The following OR4F16 variants were observed in gnomAD, a reference collection of about 807,000 sequenced individuals.
OR4F16 encodes the protein olfactory receptor 4F3/4F16/4F29.
chr1:713,432 A>C, the OR4F16 span, among the ~76,000 whole-genome samples: 1 of 124,300 alleles, frequency 8.0e-6, no homozygotes, highest in South Asian at 2.5e-4. Flanking sequence ...AAAATTCACA[A>C]TATTTGCCAA....
At chr1:710,235 AT>A in the OR4F16 span, among the ~76,000 whole-genome samples, 1 of 135,938 alleles carries the variant, frequency 7.4e-6, no homozygotes, top group Non-Finnish European at 1.6e-5. Flanking sequence ...TTTTCAATGT[AT>A]TTAATATATT....
At chr1:711,952 G>A in the OR4F16 span, 8 of 95,512 alleles carry the variant, frequency 8.4e-5, no homozygotes, top group African/African-American at 3.5e-4. Context: ...AAAATCACAT[G>A]GAAAGTTATA....
chr1:715,774 A>G, the OR4F16 span, among the ~76,000 whole-genome samples: 2 of 147,900 alleles, frequency 1.4e-5, no homozygotes, highest in Non-Finnish European at 3.0e-5. Context: ...CAAGGCTGCA[A>G]TGAGCTGTGA....
At chr1:676,873 CAGACTGCCTCCTCA>C in the OR4F16 span, among the ~76,000 whole-genome samples, 2 of 115,890 alleles carry the variant, frequency 1.7e-5, 1 homozygote, top group Admixed American at 1.5e-4. Flanking sequence ...TGATAAGGGT[CAGACTGCCTCCTCA>C]AGTGGGTCCC....
chr1:676,788 C>T, the OR4F16 span, among the ~76,000 whole-genome samples: 1 of 121,188 alleles, frequency 8.3e-6, no homozygotes, highest in Admixed American at 7.4e-5. Context: ...ACAGCTTCAG[C>T]AGACTTAAAG....
At chr1:701,697 TCA>T in the OR4F16 span, among the ~76,000 whole-genome samples, 59 of 149,962 alleles carry the variant, frequency 3.9e-4, no homozygotes, top group Non-Finnish European at 7.8e-4. Context: ...CAGCATACTC[TCA>T]GTTATAAGTG....
At chr1:691,162 T>G, upstream of OR4F16, among the ~76,000 whole-genome samples, 1 of 151,576 alleles carries the variant, frequency 6.6e-6, no homozygotes, top group Non-Finnish European at 1.5e-5. Context: ...TTGTAAGAAA[T>G]AAGTGATATA....
At chr1:690,585 A>T (rs1391279256), upstream of OR4F16, among the ~76,000 whole-genome samples, 469 of 134,570 alleles carry the variant, frequency 3.5e-3, no homozygotes, top group African/African-American at 0.015. Context: ...ACCTCCATAC[A>T]TTATGGTAGA....
At chr1:692,962 TG>T in the OR4F16 span, among the ~76,000 whole-genome samples, 1 of 127,220 alleles carries the variant, frequency 7.9e-6, no homozygotes, top group Non-Finnish European at 1.6e-5. Flanking sequence ...ACAGGATATA[TG>T]GGGGAAAAGT....
At chr1:701,367 C>T in the OR4F16 span, among the ~76,000 whole-genome samples, 8 of 149,518 alleles carry the variant, frequency 5.4e-5, no homozygotes, top group Non-Finnish European at 1.0e-4. Flanking sequence ...GGAAAAATAC[C>T]GAAAAAGTTT....
At chr1:715,510 AG>A in the OR4F16 span, among the ~76,000 whole-genome samples, 1 of 44,890 alleles carries the variant, frequency 2.2e-5, no homozygotes, top group Non-Finnish European at 4.2e-5. Flanking sequence ...ATGAAAAGGA[AG>A]GCTTCAAATT....
the OR4F16 span, chr1:702,350 A>G: frequency 1.3e-5 from 2 of 150,596 alleles, no homozygotes; most frequent in Admixed American, 6.6e-5. Context: ...TCTGTCGGGG[A>G]AAAAAAAGAA....
chr1:711,960 ATATAT>A, the OR4F16 span: 5 of 103,424 alleles, frequency 4.8e-5, no homozygotes, highest in Admixed American at 1.8e-4. Flanking sequence ...ATGGAAAGTT[ATATAT>A]TATATATCTA....
At chr1:701,992 C>T in the OR4F16 span, 3 of 148,666 alleles carry the variant, frequency 2.0e-5, no homozygotes, top group Non-Finnish European at 3.0e-5. Context: ...TCATTCATTC[C>T]TTTCAACTGA....
chr1:701,529 C>G, the OR4F16 span, among the ~76,000 whole-genome samples: 1 of 150,302 alleles, frequency 6.7e-6, no homozygotes, highest in Non-Finnish European at 1.5e-5. Context: ...TCAGACTGCT[C>G]TGGTGAAGGT....
chr1:701,543 T>C, the OR4F16 span, among the ~76,000 whole-genome samples: 1 of 150,456 alleles, frequency 6.6e-6, no homozygotes, highest in South Asian at 2.1e-4. Flanking sequence ...TGAAGGTCTT[T>C]AGCCCACAGT....
At chr1:691,897 TAGTCA>T in the OR4F16 span, among the ~76,000 whole-genome samples, 2 of 82,876 alleles carry the variant, frequency 2.4e-5, no homozygotes, top group Non-Finnish European at 4.5e-5. Context: ...ACCAAATTCC[TAGTCA>T]CAGTTATGTT....
chr1:682,324 TA>T (rs1335764857), downstream of OR4F16, among the ~76,000 whole-genome samples: 13 of 38,232 alleles, frequency 3.4e-4, no homozygotes, highest in African/African-American at 1.0e-3. Context: ...AAATATAATT[TA>T]AAAAAAAATC....
the OR4F16 span, among the ~76,000 whole-genome samples, chr1:699,216 G>T: frequency 6.8e-4 from 3 of 4,390 alleles, no homozygotes; most frequent in African/African-American, 7.4e-4. Flanking sequence ...CTGTGGTTTT[G>T]CAGGGGAGAG....
Sources: allele counts gnomAD v4.1 joint callset (sites outside exome capture counted in the v4.1 genomes callset), GRCh38; gene constraint gnomAD v4.1.1; transcripts MANE v1.5; gene names NCBI Gene and HGNC (gene_info 2026-07-23, HGNC 2026-07-21).